DZIP1L: variants seen among roughly 807,000 people sequenced by gnomAD.
DZIP1L encodes the protein cilium assembly protein DZIP1L.
A neutral mutation model predicts 88.7 loss-of-function variants in DZIP1L; 90 were observed. The ratio of observed to expected loss-of-function variants is 1.02; its 90% CI spans 0.86 to 1.21. DZIP1L has a LOEUF of 1.21. Among genes scored for constraint, DZIP1L ranks in the 50% most tolerant of loss-of-function variants. The pLI, the probability that DZIP1L is intolerant of heterozygous loss-of-function variation, is 0.00. For synonymous variants in DZIP1L, 363 were observed against 372.1 expected, an observed-to-expected ratio of 0.98 and a Z score of 0.28; for missense variants, 932 against 955.8, an observed-to-expected ratio of 0.98 and a Z score of 0.33.
rs373173448 is a variant in DZIP1L, at chr3:138,064,119, AAGG to A, written c.2142+506_2142+508del. Among the ~76,000 whole-genome samples the A allele has an allele frequency of 2.1e-3, 316 of 152,330 alleles. 1 individual carries two copies. Among genetic ancestry groups the A allele is most frequent in the African/African-American group, 7.3e-3 (304 of 41,588 alleles). On this transcript the variant is annotated intron_variant, in intron 15 of 15. Coordinates refer to ENST00000327532, the MANE Select transcript of DZIP1L (RefSeq NM_173543.3). ...TCTGATGGTGGCTACAGTCTGAGGC[AAGG>A]AGGCTCAGGTTTCTAAAACAGAGGT... is the stretch of plus-strand genomic sequence containing the variant.
At chr3:138,114,585 G>A (rs919845326) in intron 1 of DZIP1L, among the ~76,000 whole-genome samples, 1 of 152,154 alleles carries the variant, frequency 6.6e-6, no homozygotes, top group Non-Finnish European at 1.5e-5. Flanking sequence ...CTGCAGATGA[G>A]GGTGTGAGAA....
At chr3:138,091,742 T>A (rs994363349) in intron 5 of DZIP1L, among the ~76,000 whole-genome samples, 63 of 150,908 alleles carry the variant, frequency 4.2e-4, no homozygotes, top group Middle Eastern at 3.4e-3. Flanking sequence ...ATAGCTTTTT[T>A]AAAAAAAAAC....
chr3:138,073,939 A>C (rs1409137680), intron 11 of DZIP1L, among the ~76,000 whole-genome samples: 2 of 152,074 alleles, frequency 1.3e-5, no homozygotes, highest in Non-Finnish European at 2.9e-5. Context: ...CAGCAATAGA[A>C]TCAAACAAGC....
rs762524640 is a variant in DZIP1L, at chr3:138,068,283, G to T, written c.1700C>A (p.Ala567Glu). 4.4e-6 allele frequency: 7 copies of T among 1,597,882 alleles called. No individual in the cohort carries two copies. The East Asian group carries it at 1.6e-4, about 36-fold the overall frequency. Residue 567 changes from alanine to glutamate, a missense_variant, in exon 13 of 16, where the codon GCA becomes GAA. Coordinates refer to ENST00000327532, the MANE Select transcript of DZIP1L (RefSeq NM_173543.3). ...CTGACGAGTTGGTGGGGGTGGCTCT[G>T]CCGGTGTGGATGGCAAGGCCACCTG... Reference protein sequence around the residue: ...TLQVALPSTPAEPPPPTRQSH... With the variant: ...TLQVALPSTPEEPPPPTRQSH...
At chr3:138,081,902 T>C in intron 8 of DZIP1L, 138 bp from the exon 9 acceptor site, 1 of 725,170 alleles carries the variant, frequency 1.4e-6, no homozygotes, top group Non-Finnish European at 2.2e-6. Context: ...TGGAAGGAGC[T>C]CAGATGCACC....
intron 1 of DZIP1L, among the ~76,000 whole-genome samples, chr3:138,107,443 T>C (rs756376057): frequency 3.3e-5 from 5 of 152,196 alleles, no homozygotes; most frequent in African/African-American, 4.8e-5. Context: ...AAGCTTGATA[T>C]TGGACTTGAT....
intron 7 of DZIP1L, 84 bp from the exon 8 acceptor site, chr3:138,084,337 C>T: frequency 6.6e-7 from 1 of 1,518,428 alleles, no homozygotes; most frequent in Non-Finnish European, 8.8e-7. Context: ...CACCTGTAGG[C>T]AAGTGCCAGG....
chr3:138,079,322 A>G (rs1208026160), intron 10 of DZIP1L, among the ~76,000 whole-genome samples: 4 of 152,232 alleles, frequency 2.6e-5, no homozygotes, highest in African/African-American at 9.6e-5. Context: ...ACGCAATTCT[A>G]ATTTTTACAA....
At position 138,062,652 on chromosome 3, in the gene DZIP1L, T is replaced by TCAGGATGACCTGGAGGATGAC. The variant is rs557495548; in HGVS notation, c.*163_*164insGTCATCCTCCAGGTCATCCTG. On this transcript the variant is annotated 3_prime_UTR_variant, in exon 16 of 16. Transcript: ENST00000327532. ...CATCTACAGCAGGGCCCCTCACAGG[T>TCAGGATGACCTGGAGGATGAC]CAGGAGGGATGAGATCATATCCATT... The TCAGGATGACCTGGAGGATGAC allele has an allele frequency of 1.1e-4, 93 of 809,704 alleles. 1 individual carries two copies. The East Asian group carries it at 2.3e-3, about 20-fold the overall frequency. The allele number at this position is 809,704 out of a possible 1,614,324, so 50.2% of individuals were successfully genotyped here.
Position 138,092,374 on chromosome 3 carries a change from G to A in DZIP1L, c.870+9C>T. On this transcript the variant is annotated intron_variant, in intron 5 of 15. Transcript: ENST00000327532. ...AAAGAAACTTTAAAAAGCCTTTTAT[G>A]TTGGGTACCTCTTCTAGTGTAGAGT... 6.6e-7 allele frequency: 1 copy of A among 1,526,652 alleles called. No homozygotes were observed. The highest frequency in any genetic ancestry group is 8.7e-7 in the Non-Finnish European group (1 of 1,144,784). 94.6% of individuals were successfully genotyped at this position (1,526,652 alleles called of 1,614,324 possible).
rs1239713621 is a variant in DZIP1L at position 138,084,217 on chromosome 3, A to T, written c.1099T>A (p.Ser367Thr). The change falls in exon 8 of 16, where the codon TCT (serine) becomes ACT (threonine). Residue 367 changes from serine (S) to threonine (T), a missense_variant. Coordinates refer to ENST00000327532, the MANE Select transcript of DZIP1L (RefSeq NM_173543.3). ...EENQRLQASL[S>T]QDQKKAAAQS... ...GCAGCTGCCTTCTTCTGATCCTGAGACAGGGAGGCCTGGAGCCTCTGGTTC... is the reference window on the plus strand; with the variant it reads ...GCAGCTGCCTTCTTCTGATCCTGAGTCAGGGAGGCCTGGAGCCTCTGGTTC... 9 of 1,614,048 alleles carry T rather than the reference A, an allele frequency of 5.6e-6. No homozygotes were observed. The Admixed American group carries it at 1.5e-4, about 27-fold the overall frequency.
chr3:138,092,411 A>G lies in DZIP1L; in HGVS notation c.842T>C (p.Val281Ala). The change falls in exon 5 of 16, where the codon GTC becomes GCC. Residue 281 changes from valine (V) to alanine (A), a missense_variant. By Grantham distance (64) the Val-to-Ala change is moderately conservative. Coordinates refer to ENST00000327532, the MANE Select transcript of DZIP1L (RefSeq NM_173543.3). ...KKLFWDEFKN[V>A]AKQNSTLEEK... ...TTCTAGTGTAGAGTTCTGCTTGGCG[A>G]CATTTTTAAATTCATCCCAAAATAA... The G allele has an allele frequency of 6.2e-7, 1 of 1,602,594 alleles. No homozygotes were observed. The highest frequency in any genetic ancestry group is 8.5e-7 in the Non-Finnish European group (1 of 1,175,662).
chr3:138,092,223 C>T (rs955662427), intron 5 of DZIP1L, 160 bp downstream of exon 5: 23 of 719,776 alleles, frequency 3.2e-5, no homozygotes, highest in Admixed American at 2.0e-4. Context: ...AACCCCAAGG[C>T]GTCTGAAATC....
intron 1 of DZIP1L, among the ~76,000 whole-genome samples, chr3:138,113,023 A>G (rs2042643792): frequency 6.6e-6 from 1 of 152,254 alleles, no homozygotes; most frequent in Non-Finnish European, 1.5e-5. Context: ...AGATATATTG[A>G]CAGGGTTTTG....
At chr3:138,103,171 C>T (rs1260197460) in intron 2 of DZIP1L, among the ~76,000 whole-genome samples, 1 of 152,082 alleles carries the variant, frequency 6.6e-6, no homozygotes, top group Admixed American at 6.6e-5. Flanking sequence ...TACAAACACA[C>T]ACACTCGCCA....
At chr3:138,066,766 G>C (rs1353828699) in intron 14 of DZIP1L, among the ~76,000 whole-genome samples, 1 of 151,878 alleles carries the variant, frequency 6.6e-6, no homozygotes, top group Admixed American at 6.6e-5. Context: ...TCACCGAGAT[G>C]GACAAGGATA....
Position 138,104,033 on chromosome 3 carries a change from C to T in DZIP1L, c.-62G>A. 1 of 1,541,874 alleles carries T rather than the reference C, an allele frequency of 6.5e-7. No homozygotes were observed. Among genetic ancestry groups the T allele is most frequent in the Non-Finnish European group, 8.7e-7 (1 of 1,155,338 alleles). Reference sequence around the variant, plus strand: ...GGGGCACCAAGGCCACGGCAGTAGGCCAAGGAGCTGAGAGAAGGCCTGGAA... The same window carrying T: ...GGGGCACCAAGGCCACGGCAGTAGGTCAAGGAGCTGAGAGAAGGCCTGGAA... On this transcript the variant is annotated 5_prime_UTR_variant, in exon 2 of 16. The change creates a premature stop within an existing upstream ORF in the 5' untranslated region. Coordinates refer to ENST00000327532, the MANE Select transcript of DZIP1L (RefSeq NM_173543.3).
chr3:138,101,859 G>A (rs2042326909), intron 2 of DZIP1L: 26 of 1,358,958 alleles, frequency 1.9e-5, no homozygotes, highest in Admixed American at 3.4e-5. Context: ...GCTGCAGGGC[G>A]CCCTCCAGCT....
intron 3 of DZIP1L, among the ~76,000 whole-genome samples, chr3:138,096,634 T>C (rs895314743): frequency 6.6e-6 from 1 of 152,206 alleles, no homozygotes; most frequent in Non-Finnish European, 1.5e-5. Flanking sequence ...TTTCCTATAT[T>C]TAAATTTTCT....
Sources: gnomAD v4.1 joint callset for allele counts (sites outside exome capture counted in the v4.1 genomes callset) on GRCh38, gnomAD v4.1.1 for gene constraint, MANE v1.5 for transcripts, NCBI Gene and HGNC (gene_info 2026-07-23, HGNC 2026-07-21) for gene names.